The following PSMD11 variants were observed in gnomAD, a reference collection of about 807,000 sequenced individuals.
PSMD11 encodes proteasome 26S subunit, non-ATPase 11, also known as 26S proteasome non-ATPase regulatory subunit 11.
In PSMD11, 5 loss-of-function variants were observed where a neutral mutation model predicts 62.3. The ratio of observed to expected loss-of-function variants is 0.08; its 90% confidence interval spans 0.04 to 0.17. The LOEUF is 0.17. Ranked by LOEUF, PSMD11 falls within the 10% of genes least tolerant of loss-of-function variation. PSMD11 has a pLI of 1.00. For synonymous variants in PSMD11, 191 were observed against 191.8 expected, an observed-to-expected ratio of 1.00 and a Z score of 0.03; for missense variants, 310 against 512.9, an observed-to-expected ratio of 0.60 and a Z score of 3.82.
intron 1 of PSMD11, 79 bp downstream of exon 1, chr17:32,444,693 C>G (rs1158644022): frequency 6.5e-6 from 10 of 1,547,446 alleles, no homozygotes; most frequent in Non-Finnish European, 2.6e-6. Context: ...GAGAGGGGCC[C>G]GGCTAGCCGG....
At chr17:32,477,274 G>C (rs1908355640) in intron 8 of PSMD11, 16 of 396,062 alleles carry the variant, frequency 4.0e-5, no homozygotes, top group Middle Eastern at 5.5e-4. Flanking sequence ...ATTAGGGTCG[G>C]TCTGTTTGGA....
rs769696664 is a variant in PSMD11 at position 32,477,515 on chromosome 17, T to C, written c.850-6T>C. ...TCGCTTTCATGGTTTGTCTCTTTAT[T>C]CTCAGACAGAAGCATTAAAATGCGT... On this transcript the variant is annotated splice_region_variant and splice_polypyrimidine_tract_variant and intron_variant, in intron 8 of 13. Coordinates refer to ENST00000261712, the MANE Select transcript of PSMD11 (RefSeq NM_002815.4). 2.5e-6 allele frequency: 4 copies of C among 1,601,006 alleles called. No homozygotes were observed. Among genetic ancestry groups the C allele is most frequent in the Admixed American group, 1.8e-5 (1 of 57,042 alleles).
At chr17:32,448,493 G>A (rs1907394610) in intron 2 of PSMD11, among the ~76,000 whole-genome samples, 2 of 151,684 alleles carry the variant, frequency 1.3e-5, no homozygotes, top group South Asian at 4.2e-4. Flanking sequence ...TCAGCCTCCC[G>A]AGTAGCTGGG....
chr17:32,479,191 G>A, intron 9 of PSMD11, 60 bp from the exon 10 acceptor site: 1 of 1,590,938 alleles, frequency 6.3e-7, no homozygotes, highest in South Asian at 1.2e-5. Flanking sequence ...TAGGAAGCAG[G>A]AGTAGCATGA....
intron 5 of PSMD11, among the ~76,000 whole-genome samples, chr17:32,467,076 C>T (rs755249696): frequency 4.6e-5 from 7 of 151,352 alleles, no homozygotes; most frequent in Non-Finnish European, 7.4e-5. Flanking sequence ...TCCCAAGTAC[C>T]TGGGATTATG....
chr17:32,466,352 C>T (rs1032631490), intron 5 of PSMD11, among the ~76,000 whole-genome samples: 7 of 152,118 alleles, frequency 4.6e-5, no homozygotes, highest in South Asian at 2.1e-4. Context: ...CAGCCCTGGG[C>T]GATTACTAAG....
chr17:32,471,072 C>T (rs947146653), intron 6 of PSMD11, among the ~76,000 whole-genome samples: 4 of 152,136 alleles, frequency 2.6e-5, no homozygotes, highest in Admixed American at 6.5e-5. Context: ...CTACATGTAT[C>T]TCGATGTGAA....
chr17:32,462,428 T>C (rs1907869629), intron 3 of PSMD11, among the ~76,000 whole-genome samples: 1 of 152,160 alleles, frequency 6.6e-6, no homozygotes, highest in Non-Finnish European at 1.5e-5. Flanking sequence ...CTTGCTTTTA[T>C]TTTAGTTTTT....
At chr17:32,456,218 G>T (rs1340655757) in intron 3 of PSMD11, among the ~76,000 whole-genome samples, 2 of 151,572 alleles carry the variant, frequency 1.3e-5, no homozygotes, top group Admixed American at 1.3e-4. Flanking sequence ...AAAATAGACT[G>T]ATCAGTAAAT....
chr17:32,479,430 C>G (rs1177041911), intron 10 of PSMD11, 54 bp downstream of exon 10: 7 of 1,596,470 alleles, frequency 4.4e-6, no homozygotes, highest in Non-Finnish European at 5.1e-6. Context: ...CTGTAGCCAC[C>G]TCCCTTCCAC....
Position 32,473,633 on chromosome 17 carries a change from T to A in PSMD11, c.644-168T>A, listed in dbSNP as rs531893577. 1.1e-4 allele frequency among the ~76,000 whole-genome samples: 16 copies of A among 151,986 alleles called. No homozygotes were observed. In the East Asian group the frequency reaches 2.9e-3, roughly 28 times the overall value. ...TCTTACTATGTTACTCAGGCTTGTC[T>A]CGAACTCCTGGGCTCACATGATCCT... is the stretch of plus-strand genomic sequence containing the variant. On this transcript the variant is annotated intron_variant, in intron 6 of 13. Transcript: ENST00000261712.
intron 2 of PSMD11, chr17:32,447,355 G>A (rs1907360934): frequency 9.2e-6 from 2 of 216,378 alleles, no homozygotes; most frequent in South Asian, 2.0e-4. Flanking sequence ...TAATTTCACT[G>A]AGCAACTCTG....
chr17:32,464,651 A>G (rs984771560), intron 5 of PSMD11, 73 bp downstream of exon 5: 3 of 1,157,742 alleles, frequency 2.6e-6, no homozygotes, highest in Non-Finnish European at 3.7e-6. Context: ...TACTCTTACT[A>G]ATTACCTGTT....
intron 3 of PSMD11, among the ~76,000 whole-genome samples, chr17:32,459,936 G>T (rs762259763): frequency 6.6e-6 from 1 of 152,006 alleles, no homozygotes; most frequent in East Asian, 1.9e-4. Flanking sequence ...CTTGTTCTTA[G>T]TTCTTTTAAA....
chr17:32,454,483 C>T lies in PSMD11; in HGVS notation c.194-12C>T. On this transcript the variant is annotated splice_polypyrimidine_tract_variant and intron_variant, in intron 2 of 13. Coordinates refer to ENST00000261712, the MANE Select transcript of PSMD11 (RefSeq NM_002815.4). ...GATGTTTACTCCTCTTTTTGAATTGCCTTTCCTACAGAGCTTGGAGGACTC... is the reference window on the plus strand; with the variant it reads ...GATGTTTACTCCTCTTTTTGAATTGTCTTTCCTACAGAGCTTGGAGGACTC... The T allele has an allele frequency of 1.9e-6, 3 of 1,608,414 alleles. No homozygotes were observed. The highest frequency in any genetic ancestry group is 1.7e-6 in the Non-Finnish European group (2 of 1,178,236).
intron 9 of PSMD11, among the ~76,000 whole-genome samples, chr17:32,478,760 A>G (rs1908401577): frequency 6.6e-6 from 1 of 152,136 alleles, no homozygotes. Flanking sequence ...TCTGTAGAAT[A>G]CATGCTGAGA....
intron 3 of PSMD11, among the ~76,000 whole-genome samples, chr17:32,461,975 G>A (rs1393031298): frequency 6.6e-6 from 1 of 152,148 alleles, no homozygotes; most frequent in Non-Finnish European, 1.5e-5. Flanking sequence ...ATCCTCTGAT[G>A]TTACCCGTCA....
intron 3 of PSMD11, among the ~76,000 whole-genome samples, chr17:32,461,680 C>T (rs912589504): frequency 4.0e-5 from 6 of 151,756 alleles, no homozygotes; most frequent in African/African-American, 1.5e-4. Context: ...CTATGATGAC[C>T]TTAACTTAAG....
In PSMD11 at chr17:32,464,588, C is replaced by G; in HGVS notation, c.448+10C>G. On this transcript the variant is annotated intron_variant, in intron 5 of 13. Coordinates refer to ENST00000261712, the MANE Select transcript of PSMD11 (RefSeq NM_002815.4). ...GAAGCATTGCATTTGGGTAAGTAAGCTGGTAATAAGTCATCTCAGCTAGCT... is the reference window on the plus strand; with the variant it reads ...GAAGCATTGCATTTGGGTAAGTAAGGTGGTAATAAGTCATCTCAGCTAGCT... The G allele has an allele frequency of 6.3e-7, 1 of 1,599,352 alleles. No homozygotes were observed. Among genetic ancestry groups the G allele is most frequent in the East Asian group, 2.2e-5 (1 of 44,656 alleles).
Sources: gnomAD v4.1 joint callset for allele counts (sites outside exome capture counted in the v4.1 genomes callset) on GRCh38, gnomAD v4.1.1 for gene constraint, MANE v1.5 for transcripts, NCBI Gene and HGNC (gene_info 2026-07-23, HGNC 2026-07-21) for gene names.